Variants in ZC3H18 observed in about 807,000 individuals in gnomAD.
ZC3H18 encodes the protein zinc finger CCCH domain-containing protein 18.
A neutral mutation model predicts 106.1 loss-of-function variants in ZC3H18; 8 were observed. That is an observed-to-expected ratio of 0.08 (90% CI 0.04 to 0.14). The LOEUF (loss-of-function observed/expected upper bound fraction) is 0.14, where lower values mean the gene tolerates loss of function less well. ZC3H18 is among the 10% of genes least tolerant of loss of function. The pLI is 1.00. For synonymous variants in ZC3H18, 635 were observed against 522.1 expected (o/e 1.22, Z -2.95); for missense variants, 1,318 against 1,278.4 (o/e 1.03, Z -0.47).
intron 2 of ZC3H18, among the ~76,000 whole-genome samples, chr16:88,581,526 C>G (rs191784593): frequency 3.6e-4 from 55 of 152,266 alleles, no homozygotes; most frequent in Non-Finnish European, 4.4e-4. Flanking sequence ...CTGGAAGTGC[C>G]GCTGGCCTGC....
chr16:88,619,247 C>G (rs1056031533), intron 8 of ZC3H18, among the ~76,000 whole-genome samples: 41 of 152,088 alleles, frequency 2.7e-4, no homozygotes, highest in Non-Finnish European at 1.6e-4. Flanking sequence ...GTACTCCAGC[C>G]TGGGCAACAG....
rs773403415 is a variant in ZC3H18, at chr16:88,619,229, G to A, written c.1476-2968G>A. On this transcript the variant is annotated intron_variant, in intron 8 of 17. Transcript: ENST00000301011. ...GCAGAGCTTGCAGTGAGCCAAGATC[G>A]CACCACCGTACTCCAGCCTGGGCAA... 2.0e-5 allele frequency among the ~76,000 whole-genome samples: 3 copies of A among 151,968 alleles called. No individual in the cohort carries two copies. In the South Asian group the frequency reaches 6.2e-4, roughly 32 times the overall value.
chr16:88,609,974 G>A (rs1007407204), intron 7 of ZC3H18, among the ~76,000 whole-genome samples: 1 of 152,044 alleles, frequency 6.6e-6, no homozygotes, highest in Non-Finnish European at 1.5e-5. Context: ...GCGTCTCCCT[G>A]CTCGGGCGTG....
chr16:88,575,566 C>A (rs1417284779), intron 1 of ZC3H18, among the ~76,000 whole-genome samples: 2 of 152,058 alleles, frequency 1.3e-5, no homozygotes, highest in African/African-American at 4.8e-5. Flanking sequence ...ACCTTCCTAC[C>A]CGTCTTAACA....
At chr16:88,580,360 T>C (rs764927216) in intron 2 of ZC3H18, among the ~76,000 whole-genome samples, 3 of 152,014 alleles carry the variant, frequency 2.0e-5, no homozygotes, top group Non-Finnish European at 4.4e-5. Context: ...CCGGGGCACA[T>C]TGAAGGTGAG....
chr16:88,593,389 G>A (rs532290862), intron 3 of ZC3H18, among the ~76,000 whole-genome samples: 13 of 152,362 alleles, frequency 8.5e-5, no homozygotes, highest in African/African-American at 2.9e-4. Flanking sequence ...GGGATGATTC[G>A]TGTCCCAGGT....
intron 1 of ZC3H18, among the ~76,000 whole-genome samples, chr16:88,570,852 C>T (rs1914354722): frequency 6.6e-6 from 1 of 152,340 alleles, no homozygotes; most frequent in African/African-American, 2.4e-5. Flanking sequence ...GTTTATTTTC[C>T]TGAAGCTGTC....
intron 1 of ZC3H18, among the ~76,000 whole-genome samples, chr16:88,574,357 C>G (rs1298069327): frequency 1.3e-5 from 2 of 151,848 alleles, no homozygotes; most frequent in Admixed American, 1.3e-4. Context: ...TAACAGGCAC[C>G]TGCTATCATG....
At chr16:88,610,790 C>G (rs1905233673) in intron 7 of ZC3H18, among the ~76,000 whole-genome samples, 1 of 152,238 alleles carries the variant, frequency 6.6e-6, no homozygotes, top group Non-Finnish European at 1.5e-5. Flanking sequence ...TCTGCTGTGG[C>G]TGCACCTACC....
rs528324894 is a variant in ZC3H18 at position 88,574,155 on chromosome 16, G to A, written c.-14-2955G>A. Among the ~76,000 whole-genome samples the A allele has an allele frequency of 3.2e-4, 49 of 152,024 alleles. 1 individual carries two copies. The highest frequency in any genetic ancestry group is 6.7e-4 in the African/African-American group (28 of 41,498). On this transcript the variant is annotated intron_variant, in intron 1 of 17. Coordinates refer to ENST00000301011, the MANE Select transcript of ZC3H18 (RefSeq NM_144604.4). ...CTTCCAAAGTGCTGGGATTACAGGC[G>A]TGAGCCACCACCCTTGGCCCATTTA...
At chr16:88,593,392 T>C (rs550895028) in intron 3 of ZC3H18, among the ~76,000 whole-genome samples, 1 of 152,324 alleles carries the variant, frequency 6.6e-6, no homozygotes, top group South Asian at 2.1e-4. Flanking sequence ...ATGATTCGTG[T>C]CCCAGGTGGG....
intron 2 of ZC3H18, among the ~76,000 whole-genome samples, chr16:88,584,247 C>T (rs1457265742): frequency 6.6e-6 from 1 of 152,054 alleles, no homozygotes; most frequent in Non-Finnish European, 1.5e-5. Context: ...CATGGCAAAA[C>T]CCCGTCTCTA....
intron 13 of ZC3H18, among the ~76,000 whole-genome samples, chr16:88,626,911 C>G (rs9931810): frequency 0.071 from 10,758 of 152,236 alleles, 486 homozygotes; most frequent in South Asian, 0.18. Flanking sequence ...CAGGCATTCC[C>G]TGAGACTGCG....
At chr16:88,576,143 A>G (rs766834543) in intron 1 of ZC3H18, among the ~76,000 whole-genome samples, 1 of 151,470 alleles carries the variant, frequency 6.6e-6, no homozygotes, top group Non-Finnish European at 1.5e-5. Context: ...CTCATGATCC[A>G]CCTGCCTCGG....
intron 2 of ZC3H18, among the ~76,000 whole-genome samples, chr16:88,582,216 TTTC>T (rs1915173610): frequency 9.1e-6 from 1 of 109,580 alleles, no homozygotes; most frequent in Non-Finnish European, 1.8e-5. Flanking sequence ...TCCTTTTTCT[TTTC>T]TTTTTTTTTT....
intron 6 of ZC3H18, among the ~76,000 whole-genome samples, chr16:88,608,199 T>A (rs1477217469): frequency 6.6e-6 from 1 of 152,180 alleles, no homozygotes; most frequent in African/African-American, 2.4e-5. Context: ...GGGCTCCCCT[T>A]GTCCAGTCAG....
At chr16:88,602,606 C>G (rs1281566093) in intron 6 of ZC3H18, among the ~76,000 whole-genome samples, 1 of 152,200 alleles carries the variant, frequency 6.6e-6, no homozygotes, top group African/African-American at 2.4e-5. Flanking sequence ...GTTTGAGAAC[C>G]ATTGATTGTA....
At chr16:88,579,062 G>A (rs968837586) in intron 2 of ZC3H18, among the ~76,000 whole-genome samples, 27 of 152,196 alleles carry the variant, frequency 1.8e-4, no homozygotes, top group African/African-American at 5.8e-4. Context: ...TCCGGCCATC[G>A]CTGCTCTCTG....
chr16:88,589,503 G>T (rs1915619582), intron 3 of ZC3H18, among the ~76,000 whole-genome samples: 1 of 152,260 alleles, frequency 6.6e-6, no homozygotes, highest in Non-Finnish European at 1.5e-5. Flanking sequence ...ACTGGCTCAT[G>T]CCACAATGTG....
Sources: gnomAD v4.1 joint callset for allele counts (sites outside exome capture counted in the v4.1 genomes callset) on GRCh38, gnomAD v4.1.1 for gene constraint, MANE v1.5 for transcripts, NCBI Gene and HGNC (gene_info 2026-07-23, HGNC 2026-07-21) for gene names.